The following MDGA1 variants were observed in gnomAD, a reference collection of about 807,000 sequenced individuals.
The protein encoded by MDGA1 is MAM domain-containing glycosylphosphatidylinositol anchor protein 1.
MDGA1 carries 54 observed loss-of-function variants against 101.5 expected under a neutral mutation model. The observed-to-expected ratio is 0.53, with a 90% CI of 0.43 to 0.67. The LOEUF is 0.67. Among genes scored for constraint, MDGA1 ranks in the 30% least tolerant of loss-of-function variants. The pLI is 0.00. For synonymous variants in MDGA1, 533 were observed against 558.3 expected (o/e 0.95, Z 0.64); for missense variants, 1,083 against 1,323.8 (o/e 0.82, Z 2.82).
rs61618174 is a variant in MDGA1 at position 37,680,996 on chromosome 6, G to GCC, written c.67+15747_67+15748dup. Among the ~76,000 whole-genome samples, 678 of 145,330 alleles carry GCC rather than the reference G, an allele frequency of 4.7e-3. 2 individuals carry two copies. Among genetic ancestry groups the GCC allele is most frequent in the Middle Eastern group, 0.023 (6 of 266 alleles). ...TACTGGGGCCCACCCTTCCTCCTCA[G>GCC]CCCCCCCCCCCCAGGAAACCTGGGC... On this transcript the variant is annotated intron_variant, in intron 1 of 16. Transcript: ENST00000434837.
chr6:37,672,033 C>T lies in MDGA1; in HGVS notation c.68-7927G>A, dbSNP rs138931704. Among the ~76,000 whole-genome samples the T allele has an allele frequency of 6.1e-4, 92 of 151,456 alleles. 1 individual carries two copies. Among genetic ancestry groups the T allele is most frequent in the Non-Finnish European group, 1.1e-3 (72 of 67,860 alleles). On this transcript the variant is annotated intron_variant, in intron 1 of 16. Transcript: ENST00000434837. ...GTGCACACCTGTGTTCCCAGTTACT[C>T]GGGAGGCTGAGGTGGGAGAATGGCT...
rs1764000541 is a variant in MDGA1, at chr6:37,638,947, AAC to A, written c.2537-282_2537-281del. 5.3e-6 allele frequency: 2 copies of A among 379,802 alleles called. No individual in the cohort carries two copies. The highest frequency in any genetic ancestry group is 7.3e-5 in the Admixed American group (2 of 27,258). The allele number at this position is 379,802 out of a possible 1,614,324, so 23.5% of individuals were successfully genotyped here. ...TAATCAGCTAATCTCCCCAACCCCA[AAC>A]ACACACATGCACACACACCCTACCC... is the stretch of plus-strand genomic sequence containing the variant. On this transcript the variant is annotated intron_variant, in intron 14 of 16. Coordinates refer to ENST00000434837, the MANE Select transcript of MDGA1 (RefSeq NM_153487.4). This position sits in a 1 kb window ranked among gnomAD's most constrained non-coding sequence, Gnocchi z 4.8.
intron 5 of MDGA1, 62 bp downstream of exon 5, chr6:37,654,738 C>A: frequency 1.9e-6 from 3 of 1,603,930 alleles, no homozygotes; most frequent in Non-Finnish European, 2.6e-6. Flanking sequence ...GGGTGGGGCA[C>A]TATCTCCTGG....
At chr6:37,670,327 C>T (rs1761841257) in intron 1 of MDGA1, among the ~76,000 whole-genome samples, 1 of 152,168 alleles carries the variant, frequency 6.6e-6, no homozygotes, top group Non-Finnish European at 1.5e-5. Flanking sequence ...GGTGGAAATG[C>T]TCAAAGCAGA....
In MDGA1 at chr6:37,649,143, T is replaced by C. The variant is rs1261166532; in HGVS notation, c.1733A>G (p.Lys578Arg). 16 of 1,511,446 alleles carry C rather than the reference T, an allele frequency of 1.1e-5. No homozygotes were observed. The East Asian group carries it at 3.9e-4, about 36-fold the overall frequency. The allele number at this position is 1,511,446 out of a possible 1,614,324, so 93.6% of individuals were successfully genotyped here. Residue 578 changes from lysine to arginine, a missense_variant, in exon 9 of 17, where the codon AAA becomes AGA. By Grantham distance (26) the Lys-to-Arg change is conservative. Coordinates refer to ENST00000434837, the MANE Select transcript of MDGA1 (RefSeq NM_153487.4). ...AGGCGGCGGCGGCAGCAGCTGCCCT[T>C]TGAAACGCCACACAGCCGAGGCGAT... Reference protein sequence around the residue: ...QRIASAVWRFKGQLLPPPPVV... With the variant: ...QRIASAVWRFRGQLLPPPPVV...
intron 1 of MDGA1, among the ~76,000 whole-genome samples, chr6:37,676,798 G>A (rs560260343): frequency 2.9e-4 from 44 of 152,108 alleles, no homozygotes; most frequent in South Asian, 2.3e-3. Context: ...TCGGGAGGCT[G>A]AGGCAGGAGA....
chr6:37,664,854 C>G (rs1340517400), intron 1 of MDGA1, among the ~76,000 whole-genome samples: 2 of 99,986 alleles, frequency 2.0e-5, no homozygotes, highest in Non-Finnish European at 4.6e-5. Context: ...CACACACACA[C>G]ACACACACAC....
At chr6:37,662,471 C>CA (rs1416017503) in intron 2 of MDGA1, among the ~76,000 whole-genome samples, 4 of 151,514 alleles carry the variant, frequency 2.6e-5, no homozygotes, top group Non-Finnish European at 5.9e-5. Context: ...CCTGTATCTA[C>CA]AAAAACAATT....
chr6:37,693,887 A>G (rs1384196597), intron 1 of MDGA1, among the ~76,000 whole-genome samples: 1 of 152,228 alleles, frequency 6.6e-6, no homozygotes, highest in Non-Finnish European at 1.5e-5. Context: ...CACCTGGCCA[A>G]ACTGAGAGTG....
chr6:37,648,136 CCT>C (rs1373520983), intron 9 of MDGA1: 4 of 152,618 alleles, frequency 2.6e-5, no homozygotes, highest in East Asian at 1.9e-4. Flanking sequence ...ACCTGCAGCC[CCT>C]GACAGCCCAC....
intron 1 of MDGA1, among the ~76,000 whole-genome samples, chr6:37,692,234 G>A (rs925455093): frequency 1.3e-5 from 2 of 152,156 alleles, no homozygotes; most frequent in Non-Finnish European, 2.9e-5. Context: ...GCACAGGGCA[G>A]GGCCCGTAGG....
At chr6:37,671,296 C>T (rs930473287) in intron 1 of MDGA1, among the ~76,000 whole-genome samples, 6 of 152,222 alleles carry the variant, frequency 3.9e-5, no homozygotes, top group African/African-American at 1.2e-4. Flanking sequence ...ATCTGTGTAA[C>T]TTGGTTTAAC....
In MDGA1 at chr6:37,638,379, C is replaced by T; in HGVS notation, c.2668-66G>A. 1 of 1,508,378 alleles carries T rather than the reference C, an allele frequency of 6.6e-7. No individual in the cohort carries two copies. The highest frequency in any genetic ancestry group is 9.0e-7 in the Non-Finnish European group (1 of 1,106,268). 93.4% of individuals were successfully genotyped at this position (1,508,378 alleles called of 1,614,324 possible). ...GTTCTGCTGGGTACCAGAGTGCTCC[C>T]TCGACCCCACCTTTCCCCTTAATCT... On this transcript the variant is annotated intron_variant, in intron 15 of 16. Coordinates refer to ENST00000434837, the MANE Select transcript of MDGA1 (RefSeq NM_153487.4). The surrounding 1 kb of genome is among the most constrained non-coding windows in gnomAD (Gnocchi z 4.8).
rs115801172 is a variant in MDGA1, at chr6:37,692,288, A to G, written c.67+4457T>C. Among the ~76,000 whole-genome samples the G allele has an allele frequency of 5.5e-3, 834 of 152,258 alleles. 7 individuals are homozygous for G. The highest frequency in any genetic ancestry group is 0.018 in the African/African-American group (733 of 41,542). On this transcript the variant is annotated intron_variant, in intron 1 of 16. Transcript: ENST00000434837. ...ATACCTGGGACCGTGTCAGGCTCAG[A>G]TGTCCGGAGGTGGGAGGTGAGGCAG...
Position 37,649,185 on chromosome 6 carries a change from C to T in MDGA1, c.1691G>A (p.Arg564Gln), listed in dbSNP as rs1163229019. Residue 564 changes from arginine (R) to glutamine (Q), a missense_variant, in exon 9 of 17, where the codon CGA (arginine) becomes CAA (glutamine). By Grantham distance (43) the Arg-to-Gln change is conservative. Around this residue, in one of 3 missense-constraint regions of MDGA1, gnomAD observed 657 missense variants for 771.4 expected, o/e 0.85. Coordinates refer to ENST00000434837, the MANE Select transcript of MDGA1 (RefSeq NM_153487.4). ...RPVLLRCSLL[R>Q]GSPQRIASAV... The stretch of plus-strand genomic sequence containing the variant: ...CGAGGCGATGCGCTGGGGGCTGCCT[C>T]GCAGCAGCGAGCAGCGCAGGAGCAC... The T allele has an allele frequency of 2.3e-5, 35 of 1,500,020 alleles. No homozygotes were observed. The East Asian group carries it at 5.8e-4, about 25-fold the overall frequency. 92.9% of individuals were successfully genotyped at this position (1,500,020 alleles called of 1,614,324 possible).
At chr6:37,642,556 G>A (rs1268179444) in intron 14 of MDGA1, among the ~76,000 whole-genome samples, 1 of 152,158 alleles carries the variant, frequency 6.6e-6, no homozygotes, top group Non-Finnish European at 1.5e-5. Flanking sequence ...CAGATCAACT[G>A]GGATGGGAGG....
chr6:37,676,774 G>C (rs999322398), intron 1 of MDGA1, among the ~76,000 whole-genome samples: 1 of 152,126 alleles, frequency 6.6e-6, no homozygotes, highest in Admixed American at 6.6e-5. Flanking sequence ...GCTTGTGCCT[G>C]TAATCCCAGC....
rs368724830 is a variant in MDGA1 at position 37,681,103 on chromosome 6, C to A, written c.67+15642G>T. Among the ~76,000 whole-genome samples, 292 of 152,320 alleles carry A rather than the reference C, an allele frequency of 1.9e-3. 2 individuals carry two copies. The highest frequency in any genetic ancestry group is 6.4e-3 in the African/African-American group (265 of 41,562). On this transcript the variant is annotated intron_variant, in intron 1 of 16. Transcript: ENST00000434837. The stretch of plus-strand genomic sequence containing the variant: ...AGCTCTGGCAGTGCCTGGGTCCTAC[C>A]CTGACCCCCTTCCTGCCTGAGTAAA...
chr6:37,694,705 C>A (rs1026671809), intron 1 of MDGA1, among the ~76,000 whole-genome samples: 1 of 152,188 alleles, frequency 6.6e-6, no homozygotes, highest in African/African-American at 2.4e-5. Flanking sequence ...CCTTCATCCA[C>A]CTCAATAAAG....
Sources: gnomAD v4.1 joint callset for allele counts (sites outside exome capture counted in the v4.1 genomes callset) on GRCh38, gnomAD v4.1.1 for gene constraint, gnomAD v4.1.1 regional missense constraint, Gnocchi (gnomAD v3.1) non-coding constraint, MANE v1.5 for transcripts, NCBI Gene and HGNC (gene_info 2026-07-23, HGNC 2026-07-21) for gene names.